The following TMOD2 variants were observed in gnomAD, a reference collection of about 807,000 sequenced individuals.
TMOD2 encodes tropomodulin-2.
A neutral mutation model predicts 39.9 loss-of-function variants in TMOD2; 22 were observed. The observed-to-expected ratio is 0.55, with a 90% CI of 0.39 to 0.79. The LOEUF is 0.79. Among genes scored for constraint, TMOD2 ranks in the 30% least tolerant of loss-of-function variants. The pLI is 0.00. For missense variants in TMOD2, 386 were observed against 413.3 expected, an observed-to-expected ratio of 0.93 and a Z score of 0.57; for synonymous variants, 123 against 146.1, an observed-to-expected ratio of 0.84 and a Z score of 1.14.
rs1377465505 is a variant in TMOD2 at position 51,810,475 on chromosome 15, A to C, written c.*2021A>C. On this transcript the variant is annotated 3_prime_UTR_variant, in exon 10 of 10. Coordinates refer to ENST00000249700, the MANE Select transcript of TMOD2 (RefSeq NM_014548.4). The stretch of plus-strand genomic sequence containing the variant: ...ATGTTCACTACCTTCTTGTTACTAC[A>C]GTGGCTTGAAATTGGCCATGGTAGA... The C allele has an allele frequency of 6.6e-6, 1 of 152,194 alleles. No homozygotes were observed. Among genetic ancestry groups the C allele is most frequent in the Non-Finnish European group, 1.5e-5 (1 of 68,044 alleles). The allele number at this position is 152,194 out of a possible 1,614,324, so 9.4% of individuals were successfully genotyped here. A position where few individuals can be genotyped will look rare whatever the true frequency, so the allele number is the denominator to read the frequency against.
chr15:51,768,388 G>A lies in TMOD2; in HGVS notation c.253G>A (p.Asp85Asn), dbSNP rs773261286. ...KEALEQKDRE[D>N]FVPFTGEKKG... The stretch of plus-strand genomic sequence containing the variant: ...GGCTTTGGAACAGAAAGACAGAGAG[G>A]ACTTTGTGCCCTTCACTGGAGAAAA... Residue 85 changes from aspartate (D) to asparagine (N), a missense_variant, in exon 3 of 10, where the codon GAC (aspartate) becomes AAC (asparagine). By Grantham distance (23) the Asp-to-Asn change is conservative. Coordinates refer to ENST00000249700, the MANE Select transcript of TMOD2 (RefSeq NM_014548.4). 6.2e-7 allele frequency: 1 copy of A among 1,614,016 alleles called. No individual in the cohort carries two copies. The highest frequency in any genetic ancestry group is 2.2e-5 in the East Asian group (1 of 44,880).
chr15:51,803,480 C>T (rs2056103564), intron 8 of TMOD2, among the ~76,000 whole-genome samples: 3 of 152,106 alleles, frequency 2.0e-5, no homozygotes, highest in East Asian at 1.9e-4. Context: ...CATGCCTGGC[C>T]CTATCTTCAT....
chr15:51,773,940 C>G, intron 4 of TMOD2, 106 bp downstream of exon 4: 1 of 1,269,666 alleles, frequency 7.9e-7, no homozygotes, highest in Non-Finnish European at 1.1e-6. Context: ...AGGAGAATGA[C>G]AGGTTGACAC....
At chr15:51,786,154 A>G (rs79954869) in intron 7 of TMOD2, among the ~76,000 whole-genome samples, 5,115 of 152,018 alleles carry the variant, frequency 0.034, 140 homozygotes, top group Non-Finnish European at 0.051. Context: ...CTTCATTCCA[A>G]TTCTAAGATG....
At chr15:51,765,712 T>C (rs539879429) in intron 1 of TMOD2, among the ~76,000 whole-genome samples, 72 of 152,052 alleles carry the variant, frequency 4.7e-4, no homozygotes, top group African/African-American at 1.7e-3. Context: ...AAAGAATGAA[T>C]ACGTAGAACA....
chr15:51,806,033 T>C (rs953039131), intron 8 of TMOD2, among the ~76,000 whole-genome samples: 26 of 152,246 alleles, frequency 1.7e-4, no homozygotes, highest in Admixed American at 1.3e-4. Context: ...ACACCCTTTG[T>C]TTAAACCACA....
At chr15:51,793,637 C>G (rs1227653292) in intron 7 of TMOD2, among the ~76,000 whole-genome samples, 3 of 152,202 alleles carry the variant, frequency 2.0e-5, no homozygotes, top group Admixed American at 2.0e-4. Flanking sequence ...GTAATATGCT[C>G]AAATATTTGC....
chr15:51,773,371 G>A (rs1227833841), intron 3 of TMOD2, among the ~76,000 whole-genome samples: 1 of 152,194 alleles, frequency 6.6e-6, no homozygotes, highest in Non-Finnish European at 1.5e-5. Flanking sequence ...CTAGTATGGG[G>A]TTCTCTAAAG....
rs1595883743 is a variant in TMOD2 at position 51,815,284 on chromosome 15, A to G, written c.*6830A>G. ...TCTCAAAAAATAAAATAAAATATAT[A>G]CTATCTTGCTCCTCAGAACCAGTGG... On this transcript the variant is annotated 3_prime_UTR_variant, in exon 10 of 10. Transcript: ENST00000249700. 6.4e-6 allele frequency: 1 copy of G among 155,520 alleles called. No homozygotes were observed. The highest frequency in any genetic ancestry group is 2.4e-5 in the African/African-American group (1 of 41,606). The allele number at this position is 155,520 out of a possible 1,614,324, so 9.6% of individuals were successfully genotyped here.
rs143040876 is a variant in TMOD2, at chr15:51,800,565, G to T, written c.876+2225G>T. On this transcript the variant is annotated intron_variant, in intron 8 of 9. Transcript: ENST00000249700. ...AAAAAACAAAACCCTGAAGTACAAA[G>T]AATTTGCTCCCTAAAATCCCCTCTA... Among the ~76,000 whole-genome samples, 571 of 152,036 alleles carry T rather than the reference G, an allele frequency of 3.8e-3. 5 individuals carry two copies. The highest frequency in any genetic ancestry group is 0.013 in the African/African-American group (555 of 41,502).
At chr15:51,769,539 G>T (rs1595865400) in intron 3 of TMOD2, among the ~76,000 whole-genome samples, 1 of 152,178 alleles carries the variant, frequency 6.6e-6, no homozygotes, top group South Asian at 2.1e-4. Flanking sequence ...GCAAGGAGTT[G>T]TTTTTCCATG....
chr15:51,770,227 C>A (rs902860365), intron 3 of TMOD2, among the ~76,000 whole-genome samples: 12 of 152,166 alleles, frequency 7.9e-5, no homozygotes, highest in African/African-American at 2.4e-4. Context: ...TCAGGCTGGT[C>A]TTCTCATGTA....
At chr15:51,767,924 G>C (rs913631265) in intron 2 of TMOD2, among the ~76,000 whole-genome samples, 2 of 152,142 alleles carry the variant, frequency 1.3e-5, no homozygotes, top group Non-Finnish European at 2.9e-5. Context: ...TTTCTGCCTG[G>C]GAGCACCTTG....
chr15:51,814,799 C>G lies in TMOD2; in HGVS notation c.*6345C>G, dbSNP rs1450184700. ...TGATTCTAAATCGTTTCCGTTGCCTCTGAACATGGGTGAGTAATGCCTCCA... is the reference window on the plus strand; with the variant it reads ...TGATTCTAAATCGTTTCCGTTGCCTGTGAACATGGGTGAGTAATGCCTCCA... On this transcript the variant is annotated 3_prime_UTR_variant, in exon 10 of 10. Coordinates refer to ENST00000249700, the MANE Select transcript of TMOD2 (RefSeq NM_014548.4). 3.3e-5 allele frequency: 5 copies of G among 152,234 alleles called. No homozygotes were observed. Among genetic ancestry groups the G allele is most frequent in the Non-Finnish European group, 2.9e-5 (2 of 68,070 alleles). 9.4% of individuals were successfully genotyped at this position (152,234 alleles called of 1,614,324 possible).
intron 1 of TMOD2, among the ~76,000 whole-genome samples, chr15:51,753,144 T>C (rs936787611): frequency 1.3e-5 from 2 of 152,032 alleles, no homozygotes; most frequent in African/African-American, 2.4e-5. Flanking sequence ...AAATATGCAA[T>C]AGAAGGAATG....
intron 1 of TMOD2, among the ~76,000 whole-genome samples, chr15:51,755,567 T>C (rs1022156221): frequency 6.6e-6 from 1 of 152,216 alleles, no homozygotes; most frequent in South Asian, 2.1e-4. Context: ...GCACAAGCCC[T>C]AAGAAAGGAC....
At position 51,812,251 on chromosome 15, in the gene TMOD2, A is replaced by G. The variant is rs2056161115; in HGVS notation, c.*3797A>G. 1 of 152,090 alleles carries G rather than the reference A, an allele frequency of 6.6e-6. No homozygotes were observed. Among genetic ancestry groups the G allele is most frequent in the Non-Finnish European group, 1.5e-5 (1 of 68,016 alleles). 9.4% of individuals were successfully genotyped at this position (152,090 alleles called of 1,614,324 possible). A position where few individuals can be genotyped will look rare whatever the true frequency, so the allele number is the denominator to read the frequency against. ...CCCAGTGCCTGTACTCCTCAAACCA[A>G]TTTCCCTAAGGGAAGACTGGCACAC... On this transcript the variant is annotated 3_prime_UTR_variant, in exon 10 of 10. Transcript: ENST00000249700.
At chr15:51,770,350 T>G (rs2055844916) in intron 3 of TMOD2, among the ~76,000 whole-genome samples, 1 of 152,250 alleles carries the variant, frequency 6.6e-6, no homozygotes, top group Non-Finnish European at 1.5e-5. Flanking sequence ...AGCTGCTTAT[T>G]GCTTTCACAG....
At chr15:51,798,911 T>C (rs2056069822) in intron 8 of TMOD2, among the ~76,000 whole-genome samples, 1 of 152,212 alleles carries the variant, frequency 6.6e-6, no homozygotes, top group African/African-American at 2.4e-5. Context: ...GCCACACCCA[T>C]GAGATTGTGG....
Sources: gnomAD v4.1 joint callset for allele counts (sites outside exome capture counted in the v4.1 genomes callset) on GRCh38, gnomAD v4.1.1 for gene constraint, MANE v1.5 for transcripts, NCBI Gene and HGNC (gene_info 2026-07-23, HGNC 2026-07-21) for gene names.